Variants in FBN2 observed in about 807,000 individuals in gnomAD.
FBN2 encodes the protein fibrillin-2.
In FBN2, 105 loss-of-function variants were observed where a neutral mutation model predicts 355.6. The observed-to-expected ratio is 0.30, with a 90% CI of 0.25 to 0.35. The LOEUF (loss-of-function observed/expected upper bound fraction) is 0.35, where lower values mean the gene tolerates loss of function less well. FBN2 is among the 10% of genes least tolerant of loss of function. The pLI is 1.00. For synonymous variants in FBN2, 1,350 were observed against 1,301.2 expected, an observed-to-expected ratio of 1.04 and a Z score of -0.81; for missense variants, 3,280 against 3,758.7, an observed-to-expected ratio of 0.87 and a Z score of 3.33.
In FBN2 at chr5:128,393,495, T is replaced by C. The variant is rs980730883; in HGVS notation, c.1232-127A>G. On this transcript the variant is annotated intron_variant, in intron 9 of 64. Coordinates refer to ENST00000262464, the MANE Select transcript of FBN2 (RefSeq NM_001999.4). The stretch of plus-strand genomic sequence containing the variant: ...CACAATATGATTAAGTAGGTTACTA[T>C]CTCAATACATGTTTTTAATGCTGGC... 2.3e-4 allele frequency: 168 copies of C among 735,142 alleles called. 1 individual carries two copies. The highest frequency in any genetic ancestry group is 1.6e-3 in the Middle Eastern group (5 of 3,096). The allele number at this position is 735,142 out of a possible 1,614,324, so 45.5% of individuals were successfully genotyped here. A position where few individuals can be genotyped will look rare whatever the true frequency, so the allele number is the denominator to read the frequency against.
intron 5 of FBN2, among the ~76,000 whole-genome samples, chr5:128,466,537 TACA>T (rs1754716316): frequency 6.6e-6 from 1 of 152,176 alleles, no homozygotes; most frequent in South Asian, 2.1e-4. Context: ...CGTGCTGCAG[TACA>T]ACAACAAAAA....
intron 32 of FBN2, 147 bp downstream of exon 32, chr5:128,332,765 C>A: frequency 1.3e-6 from 1 of 797,934 alleles, no homozygotes; most frequent in Non-Finnish European, 2.2e-6. Flanking sequence ...GGGTAAAGGA[C>A]ACCCTTAGGC....
intron 7 of FBN2, among the ~76,000 whole-genome samples, chr5:128,422,595 G>A (rs2127018345): frequency 6.6e-6 from 1 of 152,276 alleles, no homozygotes; most frequent in South Asian, 2.1e-4. Flanking sequence ...AGTACAGAAA[G>A]GTGATGGAAT....
chr5:128,378,293 T>C (rs1056838726), intron 12 of FBN2, among the ~76,000 whole-genome samples: 3 of 151,992 alleles, frequency 2.0e-5, no homozygotes, highest in East Asian at 1.9e-4. Context: ...TGTGGATGAA[T>C]AGGAAATGAA....
At chr5:128,447,014 T>G (rs776211751) in intron 6 of FBN2, among the ~76,000 whole-genome samples, 1 of 152,182 alleles carries the variant, frequency 6.6e-6, no homozygotes, top group Non-Finnish European at 1.5e-5. Context: ...ATTGTGAAGA[T>G]TTCATGGACA....
chr5:128,441,224 G>T (rs370359620), intron 7 of FBN2, among the ~76,000 whole-genome samples: 2 of 152,216 alleles, frequency 1.3e-5, no homozygotes, highest in South Asian at 2.1e-4. Flanking sequence ...TTCCAGCCTT[G>T]GTAGATTCTG....
At chr5:128,492,017 A>G (rs1487539230) in intron 5 of FBN2, among the ~76,000 whole-genome samples, 3 of 152,166 alleles carry the variant, frequency 2.0e-5, no homozygotes, top group African/African-American at 7.2e-5. Flanking sequence ...TTGTAAAATC[A>G]GTTAAAGATA....
At chr5:128,490,071 T>C (rs1294883397) in intron 5 of FBN2, among the ~76,000 whole-genome samples, 1 of 152,164 alleles carries the variant, frequency 6.6e-6, no homozygotes, top group Non-Finnish European at 1.5e-5. Flanking sequence ...AGGAAAGCTA[T>C]CATATTACTT....
At chr5:128,283,173 C>A (rs1440764331) in intron 55 of FBN2, among the ~76,000 whole-genome samples, 1 of 152,198 alleles carries the variant, frequency 6.6e-6, no homozygotes, top group Non-Finnish European at 1.5e-5. Context: ...ACAATACTCC[C>A]TTTTCAAGGA....
intron 34 of FBN2, among the ~76,000 whole-genome samples, chr5:128,322,276 C>T (rs951008669): frequency 2.0e-5 from 3 of 152,156 alleles, no homozygotes; most frequent in Non-Finnish European, 4.4e-5. Context: ...TGTGCACAAG[C>T]TCTTTAGTTT....
chr5:128,527,379 C>G (rs1365979880), intron 4 of FBN2, among the ~76,000 whole-genome samples: 1 of 152,016 alleles, frequency 6.6e-6, no homozygotes, highest in Non-Finnish European at 1.5e-5. Context: ...ATTTCATCAC[C>G]CTGTATCTTA....
chr5:128,365,131 G>A (rs1751734248), intron 17 of FBN2: 1 of 172,652 alleles, frequency 5.8e-6, no homozygotes, highest in African/African-American at 2.4e-5. Flanking sequence ...GTCCCCAAAG[G>A]TACAGGATAT....
rs374193969 is a variant in FBN2, at chr5:128,366,330, C to T, written c.2302+47G>A. The T allele has an allele frequency of 1.2e-4, 124 of 999,256 alleles. 1 individual carries two copies. The highest frequency in any genetic ancestry group is 1.9e-4 in the Admixed American group (11 of 57,390). 61.9% of individuals were successfully genotyped at this position (999,256 alleles called of 1,614,324 possible). ...TTAATATTAGAATTATAAAGCTATACGATTATGTCACGTGATTATTATAAA... is the reference window on the plus strand; with the variant it reads ...TTAATATTAGAATTATAAAGCTATATGATTATGTCACGTGATTATTATAAA... On this transcript the variant is annotated intron_variant, in intron 17 of 64. Transcript: ENST00000262464.
intron 47 of FBN2, 121 bp downstream of exon 47, chr5:128,301,261 G>C: frequency 1.1e-6 from 1 of 951,850 alleles, no homozygotes. Context: ...AGCTTATCTT[G>C]GTCATGTGCT....
At chr5:128,345,641 C>T (rs1055683536) in intron 23 of FBN2, 57 bp from the exon 24 acceptor site, 1 of 1,484,652 alleles carries the variant, frequency 6.7e-7, no homozygotes, top group Admixed American at 1.7e-5. Flanking sequence ...ATTGAACAGT[C>T]ACATGTCAAG....
At chr5:128,325,461 G>T (rs1750518289) in intron 34 of FBN2, among the ~76,000 whole-genome samples, 1 of 152,112 alleles carries the variant, frequency 6.6e-6, no homozygotes, top group South Asian at 2.1e-4. Context: ...CATTTGCTTG[G>T]TAAATATTCC....
At chr5:128,458,004 A>G (rs953933735) in intron 6 of FBN2, among the ~76,000 whole-genome samples, 2 of 152,198 alleles carry the variant, frequency 1.3e-5, no homozygotes, top group Non-Finnish European at 2.9e-5. Context: ...CCCAATTAAA[A>G]GACACTTATT....
chr5:128,413,619 T>C (rs544678542), intron 7 of FBN2, among the ~76,000 whole-genome samples: 4 of 152,280 alleles, frequency 2.6e-5, no homozygotes, highest in South Asian at 2.1e-4. Context: ...AAACGGAATA[T>C]AATGAATAAT....
intron 37 of FBN2, among the ~76,000 whole-genome samples, chr5:128,312,252 C>G (rs1750076739): frequency 6.6e-6 from 1 of 152,140 alleles, no homozygotes; most frequent in Non-Finnish European, 1.5e-5. Context: ...GGTTCATGTT[C>G]ATATCAGATG....
Sources: allele counts gnomAD v4.1 joint callset (sites outside exome capture counted in the v4.1 genomes callset), GRCh38; gene constraint gnomAD v4.1.1; transcripts MANE v1.5; gene names NCBI Gene and HGNC (gene_info 2026-07-23, HGNC 2026-07-21).